Variants in NOM1 observed in about 807,000 individuals in gnomAD.
NOM1 encodes nucleolar protein with MIF4G domain 1, also known as nucleolar MIF4G domain-containing protein 1.
NOM1 carries 58 observed loss-of-function variants against 73.3 expected under a neutral mutation model. The ratio of observed to expected loss-of-function variants is 0.79; its 90% CI spans 0.64 to 0.99. The LOEUF (loss-of-function observed/expected upper bound fraction) is 0.99, where lower values mean the gene tolerates loss of function less well. Among genes scored for constraint, NOM1 ranks in the 50% least tolerant of loss-of-function variants. The pLI, the probability that NOM1 is intolerant of heterozygous loss-of-function variation, is 0.00. For synonymous variants in NOM1, 487 were observed against 446.8 expected (o/e 1.09, Z -1.14); for missense variants, 1,226 against 1,131.9 (o/e 1.08, Z -1.19).
chr7:156,969,270 AAC>A lies in NOM1; in HGVS notation c.2408+78_2408+79del, dbSNP rs529006263. ...TTGTTTTCACTTGTGTTGATTTACA[AAC>A]ACAAGGTTGTACTATACGTGTAGCT... On this transcript the variant is annotated intron_variant, in intron 10 of 10. Transcript: ENST00000275820. 5.8e-5 allele frequency: 55 copies of A among 943,106 alleles called. No individual in the cohort carries two copies. The South Asian group carries it at 7.0e-4, about 12-fold the overall frequency. The allele number at this position is 943,106 out of a possible 1,614,324, so 58.4% of individuals were successfully genotyped here. A position where few individuals can be genotyped will look rare whatever the true frequency, so the allele number is the denominator to read the frequency against.
intron 3 of NOM1, among the ~76,000 whole-genome samples, chr7:156,955,392 A>G (rs1804696816): frequency 6.6e-6 from 1 of 152,212 alleles, no homozygotes; most frequent in African/African-American, 2.4e-5. Context: ...TGGTGAACGA[A>G]TGGAGGGTTG....
intron 9 of NOM1, among the ~76,000 whole-genome samples, chr7:156,968,392 G>C (rs1351019441): frequency 6.6e-6 from 1 of 152,070 alleles, no homozygotes; most frequent in Non-Finnish European, 1.5e-5. Flanking sequence ...TGCTTTTGTG[G>C]TCTCGCCGCG....
At chr7:156,965,380 T>C (rs994333408) in intron 7 of NOM1, among the ~76,000 whole-genome samples, 8 of 152,252 alleles carry the variant, frequency 5.3e-5, no homozygotes, top group African/African-American at 1.9e-4. Context: ...TCGAGTGTAT[T>C]CTGCCGTGCA....
chr7:156,950,548 A>G lies in NOM1; in HGVS notation c.811A>G (p.Lys271Glu). The change falls in exon 1 of 11, where the codon AAG (lysine) becomes GAG (glutamate). Residue 271 changes from lysine to glutamate, a missense_variant. By Grantham distance (56) the Lys-to-Glu change is moderately conservative. Coordinates refer to ENST00000275820, the MANE Select transcript of NOM1 (RefSeq NM_138400.2). ...GGAGGAGGGAGACGTAGAAAAGGAA[A>G]AGAAGGCGCAGGAAGCAGAAGCGCA... ...EEEEGDVEKE[K>E]KAQEAEAQSE... 1.2e-6 allele frequency: 2 copies of G among 1,612,754 alleles called. No individual in the cohort carries two copies. The highest frequency in any genetic ancestry group is 1.7e-6 in the Non-Finnish European group (2 of 1,179,234).
At position 156,969,083 on chromosome 7, in the gene NOM1, T is replaced by A. The variant is rs1204286254; in HGVS notation, c.2299-4T>A. The A allele has an allele frequency of 6.9e-7, 1 of 1,455,580 alleles. No individual in the cohort carries two copies. The highest frequency in any genetic ancestry group is 9.7e-7 in the Non-Finnish European group (1 of 1,034,514). 90.2% of individuals were successfully genotyped at this position (1,455,580 alleles called of 1,614,324 possible). A position where few individuals can be genotyped will look rare whatever the true frequency, so the allele number is the denominator to read the frequency against. ...TTTATTTTTCTCCATGTCCTGACCA[T>A]TAGGTAGTTGAATTCAGTGAATTGG... is the stretch of plus-strand genomic sequence containing the variant. On this transcript the variant is annotated splice_polypyrimidine_tract_variant and splice_region_variant and intron_variant, in intron 9 of 10. Coordinates refer to ENST00000275820, the MANE Select transcript of NOM1 (RefSeq NM_138400.2).
At chr7:156,954,341 G>A in intron 3 of NOM1, 43 bp downstream of exon 3, 1 of 1,498,770 alleles carries the variant, frequency 6.7e-7, no homozygotes. Flanking sequence ...AGTGTCTCAT[G>A]GTGATTATTT....
At chr7:156,958,912 G>A (rs1301278895) in intron 3 of NOM1, 1 of 152,234 alleles carries the variant, frequency 6.6e-6, no homozygotes, top group East Asian at 1.9e-4. Flanking sequence ...GGAAAGTAGG[G>A]CGTCTCCTCC....
Position 156,954,095 on chromosome 7 carries a change from C to G in NOM1, c.1113-8C>G, listed in dbSNP as rs185816769. On this transcript the variant is annotated splice_region_variant and splice_polypyrimidine_tract_variant and intron_variant, in intron 2 of 10. Coordinates refer to ENST00000275820, the MANE Select transcript of NOM1 (RefSeq NM_138400.2). Reference sequence around the variant, plus strand: ...ATTGTTGCTCTCTGTCTTTACAATTCTCTGCAGGTTGAGTGAACCCAACAT... The same window carrying G: ...ATTGTTGCTCTCTGTCTTTACAATTGTCTGCAGGTTGAGTGAACCCAACAT... 198 of 1,598,914 alleles carry G rather than the reference C, an allele frequency of 1.2e-4. 2 individuals are homozygous for G. In the East Asian group the frequency reaches 4.2e-3, roughly 34 times the overall value.
Position 156,949,911 on chromosome 7 carries a change from A to G in NOM1, c.174A>G (p.Glu58=), listed in dbSNP as rs149616380. 3,185 of 1,540,876 alleles carry G rather than the reference A, an allele frequency of 2.1e-3. 55 individuals carry two copies. In the African/African-American group the frequency reaches 0.038, roughly 18 times the overall value. The change falls in exon 1 of 11, where the codon GAA becomes GAG. Residue 58 remains glutamate, a synonymous_variant. Coordinates refer to ENST00000275820, the MANE Select transcript of NOM1 (RefSeq NM_138400.2). ...AVEEFVHATS[E]GEAPGGCEGR... ...AGGAGTTCGTGCACGCGACTTCGGA[A>G]GGCGAGGCTCCCGGGGGTTGCGAGG...
intron 4 of NOM1, 61 bp from the exon 5 acceptor site, chr7:156,962,090 T>C (rs1804878487): frequency 7.0e-7 from 1 of 1,422,716 alleles, no homozygotes; most frequent in Non-Finnish European, 9.9e-7. Context: ...CTTGCCAACT[T>C]GAATGGGCCG....
In NOM1 at chr7:156,962,081, T is replaced by G; in HGVS notation, c.1633-70T>G. On this transcript the variant is annotated intron_variant, in intron 4 of 10. Transcript: ENST00000275820. Reference sequence around the variant, plus strand: ...ATGTGCATCAGGTGTGGTAGATTTCTTGCCAACTTGAATGGGCCGTTTAGA... The same window carrying G: ...ATGTGCATCAGGTGTGGTAGATTTCGTGCCAACTTGAATGGGCCGTTTAGA... 3.1e-6 allele frequency: 4 copies of G among 1,305,316 alleles called. No individual in the cohort carries two copies. The South Asian group carries it at 4.8e-5, about 16-fold the overall frequency. The allele number at this position is 1,305,316 out of a possible 1,614,324, so 80.9% of individuals were successfully genotyped here. A position where few individuals can be genotyped will look rare whatever the true frequency, so the allele number is the denominator to read the frequency against.
In NOM1 at chr7:156,963,180, G is replaced by A; in HGVS notation, c.1911+5G>A. ...CAGAAGCAGCTTGTGGGGACGGTAGGGACACCCATGCTCAAGGCTGCCAGG... is the reference window on the plus strand; with the variant it reads ...CAGAAGCAGCTTGTGGGGACGGTAGAGACACCCATGCTCAAGGCTGCCAGG... On this transcript the variant is annotated splice_donor_5th_base_variant and intron_variant, in intron 6 of 10. Transcript: ENST00000275820. The A allele has an allele frequency of 6.2e-7, 1 of 1,613,924 alleles. No homozygotes were observed. Among genetic ancestry groups the A allele is most frequent in the African/African-American group, 1.3e-5 (1 of 75,012 alleles).
Position 156,969,886 on chromosome 7 carries a change from A to C in NOM1, c.*183A>C. 1.9e-6 allele frequency: 1 copy of C among 533,958 alleles called. No homozygotes were observed. Among genetic ancestry groups the C allele is most frequent in the Non-Finnish European group, 3.1e-6 (1 of 326,158 alleles). 33.1% of individuals were successfully genotyped at this position (533,958 alleles called of 1,614,324 possible). A position where few individuals can be genotyped will look rare whatever the true frequency, so the allele number is the denominator to read the frequency against. On this transcript the variant is annotated 3_prime_UTR_variant, in exon 11 of 11. Transcript: ENST00000275820. ...TGTTTGTATTTCAAGCCATTTTCAA[A>C]TAACTATCTTGGGGGTGAGAGGAGA...
rs1490034371 is a variant in NOM1 at position 156,973,041 on chromosome 7, C to CT, written c.*3341dup. The CT allele has an allele frequency of 1.3e-5, 2 of 152,160 alleles. No individual in the cohort carries two copies. The highest frequency in any genetic ancestry group is 4.8e-5 in the African/African-American group (2 of 41,434). 9.4% of individuals were successfully genotyped at this position (152,160 alleles called of 1,614,324 possible). On this transcript the variant is annotated 3_prime_UTR_variant, in exon 11 of 11. Coordinates refer to ENST00000275820, the MANE Select transcript of NOM1 (RefSeq NM_138400.2). ...TCAGTGTTATGTATGAACTTGTGGACTTTACAATGCAGGTTGAGAACTGCT... is the reference window on the plus strand; with the variant it reads ...TCAGTGTTATGTATGAACTTGTGGACTTTTACAATGCAGGTTGAGAACTGCT...
chr7:156,950,295 C>T lies in NOM1; in HGVS notation c.558C>T (p.Ile186=), dbSNP rs756665905. Residue 186 remains isoleucine (I), a synonymous_variant, in exon 1 of 11, where the codon ATC becomes ATT. Coordinates refer to ENST00000275820, the MANE Select transcript of NOM1 (RefSeq NM_138400.2). The part of the protein sequence containing the change: ...LAANEEEDRE[I]RKLERCLGLN... ...CGAACGAGGAGGAGGACCGAGAGAT[C>T]CGAAAGCTGGAGCGTTGCCTCGGTT... 3 of 1,614,144 alleles carry T rather than the reference C, an allele frequency of 1.9e-6. No homozygotes were observed. Among genetic ancestry groups the T allele is most frequent in the Non-Finnish European group, 2.5e-6 (3 of 1,179,954 alleles).
At chr7:156,964,601 T>G (rs1205238511) in intron 7 of NOM1, among the ~76,000 whole-genome samples, 1 of 152,186 alleles carries the variant, frequency 6.6e-6, no homozygotes, top group African/African-American at 2.4e-5. Context: ...AAAAAAATCT[T>G]TAAATGTACC....
At position 156,973,152 on chromosome 7, in the gene NOM1, A is replaced by G. The variant is rs1805179678; in HGVS notation, c.*3449A>G. The G allele has an allele frequency of 6.6e-6, 1 of 152,148 alleles. No homozygotes were observed. The highest frequency in any genetic ancestry group is 1.5e-5 in the Non-Finnish European group (1 of 68,028). 9.4% of individuals were successfully genotyped at this position (152,148 alleles called of 1,614,324 possible). A position where few individuals can be genotyped will look rare whatever the true frequency, so the allele number is the denominator to read the frequency against. Reference sequence around the variant, plus strand: ...AAACTTTAATGTATTGAAATGCATAAATAAAATTTATTTTTTATATTTTGT... The same window carrying G: ...AAACTTTAATGTATTGAAATGCATAGATAAAATTTATTTTTTATATTTTGT... On this transcript the variant is annotated 3_prime_UTR_variant, in exon 11 of 11. Transcript: ENST00000275820.
rs760676322 is a variant in NOM1 at position 156,967,098 on chromosome 7, T to C, written c.2298+6T>C. On this transcript the variant is annotated splice_donor_region_variant and intron_variant, in intron 9 of 10. Transcript: ENST00000275820. ...TTTCCCTTTCCATCTTAAAGGTTCGTGTAACGTGTGAAAATATTGAAAGCA... is the reference window on the plus strand; with the variant it reads ...TTTCCCTTTCCATCTTAAAGGTTCGCGTAACGTGTGAAAATATTGAAAGCA... 2 of 1,610,562 alleles carry C rather than the reference T, an allele frequency of 1.2e-6. No homozygotes were observed. The highest frequency in any genetic ancestry group is 2.2e-5 in the South Asian group (2 of 90,062).
At chr7:156,967,308 A>C (rs1805022735) in intron 9 of NOM1, among the ~76,000 whole-genome samples, 1 of 152,216 alleles carries the variant, frequency 6.6e-6, no homozygotes, top group Non-Finnish European at 1.5e-5. Context: ...TTCTTTTGCT[A>C]ATCTGAATGA....
Sources: gnomAD v4.1 joint callset for allele counts (sites outside exome capture counted in the v4.1 genomes callset) on GRCh38, gnomAD v4.1.1 for gene constraint, MANE v1.5 for transcripts, NCBI Gene and HGNC (gene_info 2026-07-23, HGNC 2026-07-21) for gene names.